BBS9: variants seen among roughly 807,000 people sequenced by gnomAD.
BBS9 encodes the protein protein PTHB1.
BBS9 carries 89 observed loss-of-function variants against 117.7 expected under a neutral mutation model. That is an observed-to-expected ratio of 0.76 (90% CI 0.64 to 0.90). The LOEUF (loss-of-function observed/expected upper bound fraction) is 0.90. Ranked by LOEUF, BBS9 falls within the 40% of genes least tolerant of loss-of-function variation. The pLI is 0.00. For missense variants in BBS9, 982 were observed against 1,042.2 expected (o/e 0.94, Z 0.80); for synonymous variants, 379 against 370.9 (o/e 1.02, Z -0.25).
chr7:33,519,362 G>C (rs1159627478), intron 20 of BBS9, among the ~76,000 whole-genome samples: 1 of 152,168 alleles, frequency 6.6e-6, no homozygotes, highest in Non-Finnish European at 1.5e-5. Flanking sequence ...TTGATAATAG[G>C]AGTAGCTGCT....
At chr7:33,163,561 G>A (rs181172771) in intron 4 of BBS9, among the ~76,000 whole-genome samples, 6 of 152,242 alleles carry the variant, frequency 3.9e-5, no homozygotes, top group African/African-American at 7.2e-5. Context: ...AGTCTTGGGC[G>A]GGTGTATGTG....
At chr7:33,251,861 T>C (rs951852293) in intron 5 of BBS9, among the ~76,000 whole-genome samples, 2 of 152,194 alleles carry the variant, frequency 1.3e-5, no homozygotes, top group African/African-American at 4.8e-5. Flanking sequence ...TGGACTTGAA[T>C]ATATTAAGTG....
At chr7:33,492,811 AGTGT>A (rs57870306) in intron 19 of BBS9, among the ~76,000 whole-genome samples, 21,214 of 131,230 alleles carry the variant, frequency 0.16, 1,573 homozygotes, top group Admixed American at 0.3. Flanking sequence ...TATAGGAGTG[AGTGT>A]GTGTGTGTGT....
chr7:33,274,267 G>A (rs1800331067), intron 9 of BBS9, among the ~76,000 whole-genome samples: 1 of 152,092 alleles, frequency 6.6e-6, no homozygotes. Context: ...ATTTCTTTTA[G>A]CATTTGATGA....
intron 5 of BBS9, among the ~76,000 whole-genome samples, chr7:33,201,822 A>T (rs1013234802): frequency 6.6e-6 from 1 of 152,216 alleles, no homozygotes; most frequent in African/African-American, 2.4e-5. Flanking sequence ...AAAATATTAG[A>T]GAAAAACTTG....
chr7:33,324,732 C>A (rs890148185), intron 9 of BBS9, among the ~76,000 whole-genome samples: 1 of 151,568 alleles, frequency 6.6e-6, no homozygotes, highest in African/African-American at 2.4e-5. Flanking sequence ...TTGATGGATA[C>A]TTTTGCTGGA....
chr7:33,405,561 G>A (rs959463971), intron 19 of BBS9, among the ~76,000 whole-genome samples: 3 of 152,246 alleles, frequency 2.0e-5, no homozygotes, highest in South Asian at 2.1e-4. Flanking sequence ...CTTCTTCCTC[G>A]TTTAGTGTTG....
intron 5 of BBS9, among the ~76,000 whole-genome samples, chr7:33,183,484 C>T (rs1239107146): frequency 1.3e-5 from 2 of 152,136 alleles, no homozygotes; most frequent in Non-Finnish European, 2.9e-5. Context: ...TCCTTATAAA[C>T]CTCTTATTAC....
intron 19 of BBS9, among the ~76,000 whole-genome samples, chr7:33,495,342 A>G (rs1844562903): frequency 6.6e-6 from 1 of 152,194 alleles, no homozygotes; most frequent in South Asian, 2.1e-4. Flanking sequence ...CCATCTATCC[A>G]TCATTTCCCT....
intron 21 of BBS9, among the ~76,000 whole-genome samples, chr7:33,581,269 T>C (rs1046888701): frequency 5.9e-5 from 9 of 152,164 alleles, no homozygotes; most frequent in Admixed American, 4.6e-4. Flanking sequence ...AATTAAATGA[T>C]AGCAGAGTAA....
intron 19 of BBS9, among the ~76,000 whole-genome samples, chr7:33,443,563 A>G (rs1251747544): frequency 6.6e-6 from 1 of 152,212 alleles, no homozygotes; most frequent in Non-Finnish European, 1.5e-5. Flanking sequence ...AGTGTGAAAT[A>G]ATTGCTACAA....
chr7:33,605,073 T>C, intron 22 of BBS9, 98 bp downstream of exon 22: 3 of 1,464,854 alleles, frequency 2.0e-6, no homozygotes, highest in South Asian at 2.3e-5. Flanking sequence ...GCAAAGCTGC[T>C]TGTTTTCCAA....
At chr7:33,457,427 G>A (rs1156420923) in intron 19 of BBS9, among the ~76,000 whole-genome samples, 2 of 152,096 alleles carry the variant, frequency 1.3e-5, no homozygotes, top group Non-Finnish European at 2.9e-5. Flanking sequence ...AAGATTTTAA[G>A]ACTTTCTCTG....
intron 2 of BBS9, 113 bp downstream of exon 2, chr7:33,146,477 A>G (rs748031117): frequency 1.9e-5 from 15 of 794,606 alleles, no homozygotes; most frequent in Non-Finnish European, 2.9e-5. Context: ...CGACGTGGGC[A>G]GATCACGAGG....
At chr7:33,208,627 G>A (rs567478825) in intron 5 of BBS9, among the ~76,000 whole-genome samples, 1 of 152,248 alleles carries the variant, frequency 6.6e-6, no homozygotes, top group East Asian at 1.9e-4. Context: ...GTGGGCTGAT[G>A]GTAGAAGTGC....
At chr7:33,338,371 G>A (rs926542459) in intron 10 of BBS9, among the ~76,000 whole-genome samples, 4 of 152,072 alleles carry the variant, frequency 2.6e-5, no homozygotes, top group African/African-American at 7.2e-5. Flanking sequence ...TTTTATTACA[G>A]TTTTAGCTTC....
At chr7:33,460,809 A>G (rs1839353717) in intron 19 of BBS9, among the ~76,000 whole-genome samples, 1 of 152,082 alleles carries the variant, frequency 6.6e-6, no homozygotes, top group South Asian at 2.1e-4. Flanking sequence ...ACAATGTTGT[A>G]TGATCTCTAC....
intron 9 of BBS9, among the ~76,000 whole-genome samples, chr7:33,311,721 A>G (rs1809271180): frequency 6.6e-6 from 1 of 152,040 alleles, no homozygotes; most frequent in Non-Finnish European, 1.5e-5. Flanking sequence ...GGAGGTTGAG[A>G]CAGGATAATC....
Position 33,383,857 on chromosome 7 carries a change from C to T in BBS9, c.1962+19C>T, listed in dbSNP as rs1225168664. ...TTTTGAGGTATGTATGATCATAACC[C>T]ACATCATCTATAATCCTTAAATATA... On this transcript the variant is annotated intron_variant, in intron 18 of 22. Coordinates refer to ENST00000242067, the MANE Select transcript of BBS9 (RefSeq NM_198428.3). 3 of 1,604,464 alleles carry T rather than the reference C, an allele frequency of 1.9e-6. No homozygotes were observed. Among genetic ancestry groups the T allele is most frequent in the Non-Finnish European group, 2.6e-6 (3 of 1,173,970 alleles).
Sources: allele counts gnomAD v4.1 joint callset (sites outside exome capture counted in the v4.1 genomes callset), GRCh38; gene constraint gnomAD v4.1.1; transcripts MANE v1.5; gene names NCBI Gene and HGNC (gene_info 2026-07-23, HGNC 2026-07-21).